Variants in CDH18 observed in about 807,000 individuals in gnomAD.
The protein encoded by CDH18 is cadherin-18.
CDH18 carries 31 observed loss-of-function variants against 67.9 expected under a neutral mutation model. The ratio of observed to expected loss-of-function variants is 0.46; its 90% CI spans 0.34 to 0.62. CDH18 has a LOEUF of 0.62. Ranked by LOEUF, CDH18 falls within the 20% of genes least tolerant of loss-of-function variation. The pLI is 0.01. For synonymous variants in CDH18, 362 were observed against 347.2 expected (o/e 1.04, Z -0.48); for missense variants, 890 against 975.5 (o/e 0.91, Z 1.17).
chr5:20,379,517 A>T (rs1169621630), intron 1 of CDH18, among the ~76,000 whole-genome samples: 2 of 152,180 alleles, frequency 1.3e-5, no homozygotes, highest in Admixed American at 1.3e-4. Context: ...GCTACCATAT[A>T]GACACTGAAC....
intron 1 of CDH18, among the ~76,000 whole-genome samples, chr5:20,546,685 G>T (rs571674409): frequency 6.6e-6 from 1 of 151,828 alleles, no homozygotes; most frequent in Admixed American, 6.6e-5. Flanking sequence ...GGATATGTGG[G>T]GATTACAATT....
intron 3 of CDH18, among the ~76,000 whole-genome samples, chr5:19,802,904 G>T (rs1343829394): frequency 6.6e-6 from 1 of 152,234 alleles, no homozygotes; most frequent in East Asian, 1.9e-4. Flanking sequence ...ATGGGCAATG[G>T]TCTGGCCCAA....
At chr5:20,159,420 G>A (rs1368744780) in intron 2 of CDH18, among the ~76,000 whole-genome samples, 2 of 152,126 alleles carry the variant, frequency 1.3e-5, no homozygotes, top group African/African-American at 2.4e-5. Context: ...TAGGAGCCAG[G>A]AGTAAAGTTC....
At chr5:19,741,807 T>G (rs541768345) in intron 4 of CDH18, among the ~76,000 whole-genome samples, 2 of 152,246 alleles carry the variant, frequency 1.3e-5, no homozygotes, top group East Asian at 3.9e-4. Flanking sequence ...CAGAGGACAT[T>G]TGGCAATTTC....
intron 2 of CDH18, among the ~76,000 whole-genome samples, chr5:19,878,857 A>C (rs2150048831): frequency 6.6e-6 from 1 of 152,150 alleles, no homozygotes; most frequent in Non-Finnish European, 1.5e-5. Context: ...TAAAAATTTA[A>C]ATTTCAATTT....
intron 1 of CDH18, among the ~76,000 whole-genome samples, chr5:20,445,716 C>G (rs1299946963): frequency 1.3e-5 from 2 of 152,152 alleles, no homozygotes; most frequent in Admixed American, 1.3e-4. Flanking sequence ...GCAGACTCAA[C>G]TTGTTACTGA....
At chr5:19,840,867 C>T (rs565397148) in intron 2 of CDH18, among the ~76,000 whole-genome samples, 104 of 152,214 alleles carry the variant, frequency 6.8e-4, no homozygotes, top group African/African-American at 2.4e-3. Context: ...ATAAAAAGTA[C>T]TAAATAAATC....
intron 2 of CDH18, among the ~76,000 whole-genome samples, chr5:19,949,655 T>C (rs1230586409): frequency 1.3e-5 from 2 of 152,174 alleles, no homozygotes; most frequent in African/African-American, 2.4e-5. Flanking sequence ...GCAAAAAGAT[T>C]ATGAAAAATT....
chr5:19,958,465 A>C (rs1796485672), intron 2 of CDH18, among the ~76,000 whole-genome samples: 1 of 151,460 alleles, frequency 6.6e-6, no homozygotes, highest in African/African-American at 2.4e-5. Flanking sequence ...GGTCATTATG[A>C]ACTGCCATCA....
chr5:19,607,472 T>G lies in CDH18; in HGVS notation c.811+4962A>C, dbSNP rs147420245. On this transcript the variant is annotated intron_variant, in intron 6 of 12. Transcript: ENST00000382275. ...AAATAAATAATAATATCTACAGTAT[T>G]TTTTAAATAGAAAAAAGTATAAAAA... Among the ~76,000 whole-genome samples the G allele has an allele frequency of 7.0e-3, 1,064 of 151,410 alleles. 8 individuals carry two copies. Among genetic ancestry groups the G allele is most frequent in the African/African-American group, 0.02 (837 of 41,496 alleles).
intron 1 of CDH18, among the ~76,000 whole-genome samples, chr5:20,487,566 T>A (rs1753280628): frequency 6.6e-6 from 1 of 151,188 alleles, no homozygotes; most frequent in African/African-American, 2.4e-5. Context: ...GTTCATAAAA[T>A]ATCAAATTTC....
intron 3 of CDH18, among the ~76,000 whole-genome samples, chr5:19,787,082 G>A (rs1031126293): frequency 4.6e-5 from 7 of 152,286 alleles, no homozygotes; most frequent in Admixed American, 2.6e-4. Context: ...TACCTCTATA[G>A]AAAGGAAGAA....
chr5:20,550,612 C>T (rs983969023), intron 1 of CDH18, among the ~76,000 whole-genome samples: 2 of 152,096 alleles, frequency 1.3e-5, no homozygotes, highest in Non-Finnish European at 2.9e-5. Flanking sequence ...AAGAATATGT[C>T]ATCATAAATA....
chr5:20,421,847 T>G (rs975493022), intron 1 of CDH18, among the ~76,000 whole-genome samples: 2 of 149,806 alleles, frequency 1.3e-5, no homozygotes, highest in African/African-American at 5.0e-5. Context: ...TATATACACA[T>G]GTATACACAC....
chr5:19,747,884 A>G (rs1200855615), intron 3 of CDH18, among the ~76,000 whole-genome samples: 1 of 151,470 alleles, frequency 6.6e-6, no homozygotes, highest in Non-Finnish European at 1.5e-5. Flanking sequence ...CGAGGTGGGC[A>G]GATCACGAGG....
rs561489198 is a variant in CDH18 at position 20,442,599 on chromosome 5, T to C, written c.-580+132863A>G. ...GTAACAGTCACCTCCTCTGAAAGTG[T>C]CATTCCTCATAAAATATTTAAAAAG... On this transcript the variant is annotated intron_variant, in intron 1 of 14. Transcript: ENST00000507958. Among the ~76,000 whole-genome samples, 5 of 151,966 alleles carry C rather than the reference T, an allele frequency of 3.3e-5. No individual in the cohort carries two copies. In the South Asian group the frequency reaches 1.0e-3, roughly 32 times the overall value.
chr5:20,471,215 T>G (rs1235516342), intron 1 of CDH18, among the ~76,000 whole-genome samples: 2 of 152,162 alleles, frequency 1.3e-5, no homozygotes, highest in Non-Finnish European at 2.9e-5. Context: ...TCACTTCCAC[T>G]TTCTGTAAAC....
chr5:20,535,289 GGCTCATA>G (rs1395476507), intron 1 of CDH18, among the ~76,000 whole-genome samples: 1 of 152,020 alleles, frequency 6.6e-6, no homozygotes, highest in Admixed American at 6.6e-5. Flanking sequence ...TTTATTCCTT[GGCTCATA>G]GCCACCTTGC....
intron 1 of CDH18, among the ~76,000 whole-genome samples, chr5:20,540,067 T>C (rs966375983): frequency 6.6e-6 from 1 of 152,140 alleles, no homozygotes; most frequent in Non-Finnish European, 1.5e-5. Context: ...ACCTACATAG[T>C]GTAAAAATTT....
Sources: gnomAD v4.1 joint callset for allele counts (sites outside exome capture counted in the v4.1 genomes callset) on GRCh38, gnomAD v4.1.1 for gene constraint, MANE v1.5 for transcripts, NCBI Gene and HGNC (gene_info 2026-07-23, HGNC 2026-07-21) for gene names.